Variants in LRRC37A observed in about 807,000 individuals in gnomAD.
LRRC37A encodes leucine-rich repeat-containing protein 37A.
A neutral mutation model predicts 35.4 loss-of-function variants in LRRC37A; 3 were observed. That is an observed-to-expected ratio of 0.08 (90% CI 0.04 to 0.22). The LOEUF is 0.22. Among genes scored for constraint, LRRC37A ranks in the 10% least tolerant of loss-of-function variants. The probability of loss-of-function intolerance (pLI) is 1.00; values close to 1 mark genes in which losing one functional copy is unlikely to be tolerated. For missense variants in LRRC37A, 67 were observed against 565.3 expected (o/e 0.12, Z 8.94); for synonymous variants, 23 against 215.0 (o/e 0.11, Z 7.81).
the LRRC37A span, among the ~76,000 whole-genome samples, chr17:46,272,657 C>A: frequency 5.9e-5 from 9 of 152,146 alleles, no homozygotes; most frequent in African/African-American, 2.2e-4. Flanking sequence ...TCAGGTGATC[C>A]CCCCTGCCTC....
At chr17:46,278,890 T>G in the LRRC37A span, among the ~76,000 whole-genome samples, 1,786 of 151,500 alleles carry the variant, frequency 0.012, 41 homozygotes, top group African/African-American at 0.042. Context: ...CTCTGCCTCC[T>G]GGGTTCAAGT....
the LRRC37A span, among the ~76,000 whole-genome samples, chr17:46,270,277 C>T: frequency 5.9e-5 from 9 of 152,148 alleles, no homozygotes; most frequent in South Asian, 2.1e-4. Flanking sequence ...CAGGACGGGA[C>T]GCTAGGGAAT....
At chr17:46,264,423 A>G in the LRRC37A span, among the ~76,000 whole-genome samples, 1 of 152,238 alleles carries the variant, frequency 6.6e-6, no homozygotes, top group Non-Finnish European at 1.5e-5. Flanking sequence ...AGATGAACAC[A>G]TTAGGCTGTG....
chr17:46,265,300 CTT>C, the LRRC37A span, among the ~76,000 whole-genome samples: 297 of 122,510 alleles, frequency 2.4e-3, 6 homozygotes, highest in East Asian at 0.037. Context: ...TCTTCTTCTT[CTT>C]CTTCTTCTTC....
the LRRC37A span, among the ~76,000 whole-genome samples, chr17:46,261,390 G>T: frequency 6.6e-6 from 1 of 152,178 alleles, no homozygotes; most frequent in East Asian, 1.9e-4. Context: ...CTATTTGGAG[G>T]ATGGTTACTA....
chr17:46,257,318 C>T, the LRRC37A span, among the ~76,000 whole-genome samples: 1 of 151,822 alleles, frequency 6.6e-6, no homozygotes, highest in Non-Finnish European at 1.5e-5. Context: ...TGTGGTGGCA[C>T]GTGATTGTAA....
chr17:46,257,818 G>A, the LRRC37A span, among the ~76,000 whole-genome samples: 8 of 31,288 alleles, frequency 2.6e-4, no homozygotes, highest in East Asian at 0.043. Context: ...TGAGGCCCAT[G>A]TCAAAAAAAA....
the LRRC37A span, among the ~76,000 whole-genome samples, chr17:46,270,925 A>G: frequency 3.3e-5 from 5 of 152,318 alleles, no homozygotes; most frequent in Admixed American, 2.0e-4. Flanking sequence ...GTATATCTAT[A>G]TGGCTAATTT....
At chr17:46,269,324 CGGAGTT>C in the LRRC37A span, among the ~76,000 whole-genome samples, 1 of 152,002 alleles carries the variant, frequency 6.6e-6, no homozygotes, top group Non-Finnish European at 1.5e-5. Context: ...ACCTGAGGTC[CGGAGTT>C]CGAGACCAGG....
chr17:46,323,500 G>A (rs2051513124), intron 7 of LRRC37A, among the ~76,000 whole-genome samples: 1 of 94,530 alleles, frequency 1.1e-5, no homozygotes, highest in African/African-American at 3.4e-5. Context: ...AGGTTCAAGT[G>A]GTTCTCCTGC....
the LRRC37A span, among the ~76,000 whole-genome samples, chr17:46,267,996 G>A: frequency 6.7e-6 from 1 of 148,740 alleles, no homozygotes; most frequent in Non-Finnish European, 1.5e-5. Flanking sequence ...CGTCCCCCAG[G>A]TTCAAGCCAT....
chr17:46,253,147 A>T, the LRRC37A span, among the ~76,000 whole-genome samples: 1 of 147,338 alleles, frequency 6.8e-6, no homozygotes, highest in African/African-American at 2.5e-5. Context: ...CACCTCCCAG[A>T]TGGGGTCACG....
chr17:46,273,191 G>A, the LRRC37A span, among the ~76,000 whole-genome samples: 3 of 152,288 alleles, frequency 2.0e-5, no homozygotes, highest in Admixed American at 2.0e-4. Flanking sequence ...ATGAGATGCA[G>A]AATAATTTTA....
chr17:46,255,435 T>C, the LRRC37A span, among the ~76,000 whole-genome samples: 1 of 145,438 alleles, frequency 6.9e-6, no homozygotes. Context: ...GCGCGATCTC[T>C]GCTCACTGCA....
upstream of LRRC37A, among the ~76,000 whole-genome samples, chr17:46,288,502 T>G (rs1024734295): frequency 2.6e-5 from 4 of 152,132 alleles, no homozygotes; most frequent in South Asian, 8.3e-4. Context: ...TGTGCCACGT[T>G]GGCCAGGCTG....
At chr17:46,312,664 G>A (rs1326281962) in intron 5 of LRRC37A, among the ~76,000 whole-genome samples, 822 of 78,478 alleles carry the variant, frequency 0.01, 22 homozygotes, top group African/African-American at 0.039. Context: ...TAGAATGAAG[G>A]GGTAGCCGAC....
chr17:46,275,064 GT>G, the LRRC37A span: 2 of 181,708 alleles, frequency 1.1e-5, no homozygotes, highest in South Asian at 2.5e-4. Context: ...AGCTAATTTT[GT>G]ATTTTTGGTA....
At chr17:46,283,488 T>G in the LRRC37A span, among the ~76,000 whole-genome samples, 4 of 152,236 alleles carry the variant, frequency 2.6e-5, no homozygotes, top group African/African-American at 9.6e-5. Context: ...AACCCAAAAG[T>G]CAGTTTTAAA....
the LRRC37A span, among the ~76,000 whole-genome samples, chr17:46,269,592 G>A: frequency 6.6e-6 from 1 of 152,226 alleles, no homozygotes; most frequent in Non-Finnish European, 1.5e-5. Context: ...TTTTAAAAAA[G>A]TGCCAAAGGG....
Sources: gnomAD v4.1 joint callset for allele counts (sites outside exome capture counted in the v4.1 genomes callset) on GRCh38, gnomAD v4.1.1 for gene constraint, MANE v1.5 for transcripts, NCBI Gene and HGNC (gene_info 2026-07-23, HGNC 2026-07-21) for gene names.